The following SCYL3 variants were observed in gnomAD, a reference collection of about 807,000 sequenced individuals.
The protein encoded by SCYL3 is SCY1 like pseudokinase 3, also known as protein-associating with the carboxyl-terminal domain of ezrin.
A neutral mutation model predicts 73.8 loss-of-function variants in SCYL3; 35 were observed. The observed-to-expected ratio is 0.47, with a 90% CI of 0.36 to 0.63. SCYL3 has a LOEUF of 0.63. Ranked by LOEUF, SCYL3 falls within the 20% of genes least tolerant of loss-of-function variation. SCYL3 has a pLI of 0.00. For synonymous variants in SCYL3, 277 were observed against 295.2 expected (o/e 0.94, Z 0.63); for missense variants, 712 against 798.9 (o/e 0.89, Z 1.31).
Position 169,853,723 on chromosome 1 carries a change from T to A in SCYL3, c.2057A>T (p.Asn686Ile). Residue 686 changes from asparagine (N) to isoleucine (I), a missense_variant, in exon 13 of 13, where the codon AAT (asparagine) becomes ATT (isoleucine). By Grantham distance (149) the Asn-to-Ile change is moderately radical (BLOSUM62 -3). This residue lies in a region of SCYL3 where 370 missense variants were observed against 350.8 expected (regional missense o/e 1.05). Coordinates refer to ENST00000367771, the MANE Select transcript of SCYL3 (RefSeq NM_020423.7). ...AACTCACATCTATTGTCACCAGTTA[T>A]TATCTTCCCAGTTCAGCTCCCCTTC... Reference protein sequence around the residue: ...EEEGELNWEDNNW With the variant: ...EEEGELNWEDINW 3 of 1,613,786 alleles carry A rather than the reference T, an allele frequency of 1.9e-6. No homozygotes were observed.
rs1207930877 is a variant in SCYL3, at chr1:169,873,771, TAAAG to T, written c.466-23_466-20del. The T allele has an allele frequency of 3.8e-6, 6 of 1,562,620 alleles. No homozygotes were observed. Among genetic ancestry groups the T allele is most frequent in the South Asian group, 2.3e-5 (2 of 88,686 alleles). ...TCAGAAACTAGACAGAGAAATAAAT[TAAAG>T]AAAATGATTCATACATATGTTTGGT... On this transcript the variant is annotated intron_variant, in intron 4 of 12. Coordinates refer to ENST00000367771, the MANE Select transcript of SCYL3 (RefSeq NM_020423.7).
intron 7 of SCYL3, among the ~76,000 whole-genome samples, chr1:169,867,503 C>T (rs1370371423): frequency 6.6e-6 from 1 of 152,182 alleles, no homozygotes; most frequent in Non-Finnish European, 1.5e-5. Context: ...ATTCCAAAGG[C>T]TGTGCACTGC....
chr1:169,877,556 A>C (rs1221181044), intron 3 of SCYL3, among the ~76,000 whole-genome samples: 4 of 152,260 alleles, frequency 2.6e-5, no homozygotes, highest in Non-Finnish European at 5.9e-5. Flanking sequence ...GAAGGTTTAG[A>C]ATAGTGTGTA....
chr1:169,873,203 A>G (rs1334892073), intron 5 of SCYL3, among the ~76,000 whole-genome samples: 2 of 152,198 alleles, frequency 1.3e-5, no homozygotes, highest in Admixed American at 1.3e-4. Flanking sequence ...TGTTCTGGTA[A>G]TAGTGAGTAG....
chr1:169,888,589 CTT>C (rs1661837388), intron 2 of SCYL3, 85 bp downstream of exon 2: 2 of 1,112,472 alleles, frequency 1.8e-6, no homozygotes, highest in African/African-American at 3.2e-5. Context: ...ATCTTACCTC[CTT>C]TGAACTTTAC....
At chr1:169,879,425 A>AT (rs1213924947) in intron 2 of SCYL3, among the ~76,000 whole-genome samples, 1 of 152,224 alleles carries the variant, frequency 6.6e-6, no homozygotes, top group Non-Finnish European at 1.5e-5. Context: ...ATACCCACAA[A>AT]TTCTCAGAAG....
chr1:169,870,205 G>A, intron 6 of SCYL3, 50 bp downstream of exon 6: 1 of 1,294,570 alleles, frequency 7.7e-7, no homozygotes, highest in African/African-American at 1.5e-5. Flanking sequence ...ATACGTCATG[G>A]ATGATTTTCC....
At chr1:169,866,508 T>C (rs894134088) in intron 8 of SCYL3, among the ~76,000 whole-genome samples, 3 of 152,236 alleles carry the variant, frequency 2.0e-5, no homozygotes, top group Non-Finnish European at 2.9e-5. Flanking sequence ...TGTCCTTGTC[T>C]TGGAATTTGT....
rs964080835 is a variant in SCYL3 at position 169,878,726 on chromosome 1, G to T, written c.259C>A (p.Pro87Thr). The T allele has an allele frequency of 2.5e-6, 4 of 1,613,962 alleles. No homozygotes were observed. The highest frequency in any genetic ancestry group is 3.4e-6 in the Non-Finnish European group (4 of 1,179,956). ...AATGTTTCCAAAGCCACTTCCAGGG[G>T]CTGTACTCGCTCAGTGACAAGATGA... ...GIHLVTERVQ[P>T]LEVALETLSS... The change falls in exon 3 of 13, where the codon CCC becomes ACC. Residue 87 changes from proline (P) to threonine (T), a missense_variant. Coordinates refer to ENST00000367771, the MANE Select transcript of SCYL3 (RefSeq NM_020423.7).
intron 12 of SCYL3, 73 bp downstream of exon 12, chr1:169,854,197 G>A: frequency 8.7e-7 from 1 of 1,143,046 alleles, no homozygotes; most frequent in Non-Finnish European, 1.2e-6. Flanking sequence ...TGTTATAAAT[G>A]GGATACTGCA....
In SCYL3 at chr1:169,853,311, T is replaced by A. The variant is rs1006119536; in HGVS notation, c.*402A>T. 10 of 338,676 alleles carry A rather than the reference T, an allele frequency of 3.0e-5. No homozygotes were observed. The highest frequency in any genetic ancestry group is 1.5e-4 in the African/African-American group (7 of 47,046). 21.0% of individuals were successfully genotyped at this position (338,676 alleles called of 1,614,324 possible). A position where few individuals can be genotyped will look rare whatever the true frequency, so the allele number is the denominator to read the frequency against. ...TATATAATTTATAGCTAAAATTTTT[T>A]AAAGTTGTATTTCATAATAGAGCTT... On this transcript the variant is annotated 3_prime_UTR_variant, in exon 13 of 13. Coordinates refer to ENST00000367771, the MANE Select transcript of SCYL3 (RefSeq NM_020423.7).
At chr1:169,870,067 C>T (rs529018090) in intron 6 of SCYL3, among the ~76,000 whole-genome samples, 188 bp downstream of exon 6, 2 of 152,186 alleles carry the variant, frequency 1.3e-5, no homozygotes, top group African/African-American at 4.8e-5. Context: ...TTCTTTTCAC[C>T]ATGCAAACTA....
rs1373077504 is a variant in SCYL3, at chr1:169,853,066, A to AAAAC, written c.*643_*646dup. The AAAAC allele has an allele frequency of 2.8e-6, 4 of 1,416,590 alleles. No individual in the cohort carries two copies. The Admixed American group carries it at 7.8e-5, about 28-fold the overall frequency. 87.8% of individuals were successfully genotyped at this position (1,416,590 alleles called of 1,614,324 possible). ...TGTCTGTACATTTTCTAACAGATAT[A>AAAAC]AAACAAATTTTGTAAAGTTGAATCT... On this transcript the variant is annotated 3_prime_UTR_variant, in exon 13 of 13. Coordinates refer to ENST00000367771, the MANE Select transcript of SCYL3 (RefSeq NM_020423.7).
At chr1:169,885,455 G>C (rs969540989) in intron 2 of SCYL3, among the ~76,000 whole-genome samples, 1 of 152,172 alleles carries the variant, frequency 6.6e-6, no homozygotes, top group Non-Finnish European at 1.5e-5. Context: ...CAGGCTTTTA[G>C]ATGAGACAAA....
intron 11 of SCYL3, among the ~76,000 whole-genome samples, chr1:169,857,501 C>T (rs558047923): frequency 3.5e-4 from 53 of 152,158 alleles, no homozygotes; most frequent in Non-Finnish European, 6.6e-4. Context: ...TGGAAAGATA[C>T]ACGTGTAAAG....
In SCYL3 at chr1:169,862,679, C is replaced by T. The variant is rs1659742850; in HGVS notation, c.1074G>A (p.Leu358=). 1.9e-6 allele frequency: 3 copies of T among 1,614,196 alleles called. No homozygotes were observed. Among genetic ancestry groups the T allele is most frequent in the Non-Finnish European group, 2.5e-6 (3 of 1,180,042 alleles). The stretch of plus-strand genomic sequence containing the variant: ...GCTCCACGTAGGCCTCGATGTGAGA[C>T]AGCAGCACCATCCGCACATGCTCTT... The part of the protein sequence containing the change: ...VHEEHVRMVL[L]SHIEAYVEHF... The change falls in exon 10 of 13, where the codon CTG becomes CTA. Residue 358 remains leucine (L), a synonymous_variant. Transcript: ENST00000367771.
At chr1:169,864,926 T>C (rs1465754955) in intron 8 of SCYL3, among the ~76,000 whole-genome samples, 2 of 150,080 alleles carry the variant, frequency 1.3e-5, no homozygotes, top group African/African-American at 2.5e-5. Flanking sequence ...GCTGAGATCA[T>C]GTCACTGCAC....
chr1:169,885,275 A>T (rs1307471020), intron 2 of SCYL3, among the ~76,000 whole-genome samples: 1 of 152,236 alleles, frequency 6.6e-6, no homozygotes, highest in East Asian at 1.9e-4. Flanking sequence ...TCTTTCCCTA[A>T]ATATAAATGA....
intron 1 of SCYL3, among the ~76,000 whole-genome samples, chr1:169,891,331 C>T (rs979311528): frequency 2.6e-5 from 4 of 152,290 alleles, no homozygotes; most frequent in Middle Eastern, 3.4e-3. Context: ...TCAAGACTAC[C>T]GGAAGCCCAG....
Sources: gnomAD v4.1 joint callset for allele counts (sites outside exome capture counted in the v4.1 genomes callset) on GRCh38, gnomAD v4.1.1 for gene constraint, gnomAD v4.1.1 regional missense constraint, MANE v1.5 for transcripts, NCBI Gene and HGNC (gene_info 2026-07-23, HGNC 2026-07-21) for gene names.